The following PRR16 variants were observed in gnomAD, a reference collection of about 807,000 sequenced individuals.
PRR16 encodes the protein protein Largen.
A neutral mutation model predicts 18.2 loss-of-function variants in PRR16; 6 were observed. The ratio of observed to expected loss-of-function variants is 0.33; its 90% CI spans 0.18 to 0.65. PRR16 has a LOEUF of 0.65. PRR16 is among the 30% of genes least tolerant of loss of function. The probability of loss-of-function intolerance (pLI) is 0.74; values close to 1 mark genes in which losing one functional copy is unlikely to be tolerated. For synonymous variants in PRR16, 151 were observed against 147.8 expected (o/e 1.02, Z -0.16); for missense variants, 412 against 376.6 (o/e 1.09, Z -0.78).
chr5:120,673,817 TG>T (rs1335472580), intron 1 of PRR16, among the ~76,000 whole-genome samples: 1 of 152,012 alleles, frequency 6.6e-6, no homozygotes, highest in Non-Finnish European at 1.5e-5. Flanking sequence ...TAGCCCGGCA[TG>T]GTGGCACATG....
chr5:120,659,679 T>C (rs1379635588), intron 1 of PRR16, among the ~76,000 whole-genome samples: 1 of 152,044 alleles, frequency 6.6e-6, no homozygotes, highest in Non-Finnish European at 1.5e-5. Context: ...TAAATTTTGG[T>C]CTTTTTTATA....
intron 1 of PRR16, among the ~76,000 whole-genome samples, chr5:120,657,369 G>T (rs1277191798): frequency 1.3e-5 from 2 of 151,834 alleles, no homozygotes; most frequent in South Asian, 2.1e-4. Flanking sequence ...GCTCATAGGG[G>T]GCTTGTGAAA....
At chr5:120,471,209 A>T (rs1319519704) in intron 1 of PRR16, among the ~76,000 whole-genome samples, 1 of 152,196 alleles carries the variant, frequency 6.6e-6, no homozygotes, top group African/African-American at 2.4e-5. Flanking sequence ...AAATTTGCAA[A>T]TAAAGATGTG....
chr5:120,668,384 C>G (rs1202678168), intron 1 of PRR16, among the ~76,000 whole-genome samples: 1 of 149,600 alleles, frequency 6.7e-6, no homozygotes, highest in Non-Finnish European at 1.5e-5. Flanking sequence ...ATACAGCACA[C>G]TGATGGGTCT....
At chr5:120,576,909 C>T (rs145561817) in intron 1 of PRR16, among the ~76,000 whole-genome samples, 7 of 152,160 alleles carry the variant, frequency 4.6e-5, no homozygotes, top group East Asian at 1.9e-4. Context: ...TAATTCTCTA[C>T]GTGCTTTCTC....
At chr5:120,643,321 C>A (rs1318084185) in intron 1 of PRR16, among the ~76,000 whole-genome samples, 1 of 152,092 alleles carries the variant, frequency 6.6e-6, no homozygotes, top group Admixed American at 6.6e-5. Flanking sequence ...CATGCCCAAT[C>A]TCTAGCCCAT....
chr5:120,785,504 C>T, the PRR16 span, among the ~76,000 whole-genome samples: 2 of 150,084 alleles, frequency 1.3e-5, no homozygotes, highest in Admixed American at 1.3e-4. Flanking sequence ...ATTTTTCTAT[C>T]AGATTAATTA....
At chr5:120,476,943 C>T (rs1397656529) in intron 1 of PRR16, among the ~76,000 whole-genome samples, 1 of 152,164 alleles carries the variant, frequency 6.6e-6, no homozygotes, top group Non-Finnish European at 1.5e-5. Flanking sequence ...TCACGGTTGT[C>T]AGTGACTCCA....
the PRR16 span, among the ~76,000 whole-genome samples, chr5:120,701,210 G>T: frequency 6.6e-6 from 1 of 152,108 alleles, no homozygotes; most frequent in African/African-American, 2.4e-5. Flanking sequence ...TGAAGGCGAG[G>T]TTAATTAAAT....
intron 1 of PRR16, among the ~76,000 whole-genome samples, chr5:120,527,205 A>G (rs551395103): frequency 1.3e-5 from 2 of 152,316 alleles, no homozygotes; most frequent in South Asian, 4.1e-4. Flanking sequence ...ATAACAAACA[A>G]ATTTCCACAA....
chr5:120,653,802 C>A lies in PRR16; in HGVS notation c.160-32152C>A, dbSNP rs77645615. 8.3e-3 allele frequency among the ~76,000 whole-genome samples: 1,258 copies of A among 152,048 alleles called. 6 individuals carry two copies. The highest frequency in any genetic ancestry group is 0.028 in the South Asian group (135 of 4,818). On this transcript the variant is annotated intron_variant, in intron 1 of 1. Transcript: ENST00000407149. ...GTGCCATACACCTCATGTTTATGTG[C>A]CTCTCATGATGACCTGCCTGCACAC... is the stretch of plus-strand genomic sequence containing the variant.
chr5:120,512,757 G>T (rs995842974), intron 1 of PRR16, among the ~76,000 whole-genome samples: 2 of 151,936 alleles, frequency 1.3e-5, no homozygotes, highest in Non-Finnish European at 1.5e-5. Context: ...TCTTCACCAC[G>T]CAAAAAAATT....
Position 120,602,896 on chromosome 5 carries a change from G to A in PRR16, c.160-83058G>A, listed in dbSNP as rs182697226. Among the ~76,000 whole-genome samples the A allele has an allele frequency of 7.2e-5, 11 of 152,120 alleles. No homozygotes were observed. In the East Asian group the frequency reaches 7.7e-4, roughly 11 times the overall value. On this transcript the variant is annotated intron_variant, in intron 1 of 1. Transcript: ENST00000407149. ...GATTTTCGTGTTTCAAACCATCATCGCATCTCAGGGATAAAGCCTACTTAA... is the reference window on the plus strand; with the variant it reads ...GATTTTCGTGTTTCAAACCATCATCACATCTCAGGGATAAAGCCTACTTAA...
intron 1 of PRR16, among the ~76,000 whole-genome samples, chr5:120,519,340 A>G (rs528153472): frequency 4.6e-5 from 7 of 152,292 alleles, no homozygotes; most frequent in Admixed American, 2.6e-4. Context: ...AATATAAAAA[A>G]TGATATTCTG....
chr5:120,505,312 G>T (rs1401996217), intron 1 of PRR16, among the ~76,000 whole-genome samples: 1 of 152,268 alleles, frequency 6.6e-6, no homozygotes, highest in Non-Finnish European at 1.5e-5. Flanking sequence ...GCATTCCTGA[G>T]CAAATGCATT....
At chr5:120,754,387 T>G in the PRR16 span, among the ~76,000 whole-genome samples, 178 of 73,924 alleles carry the variant, frequency 2.4e-3, 1 homozygote, top group African/African-American at 9.4e-3. Flanking sequence ...AACATATATA[T>G]TATATGTTAT....
At chr5:120,713,976 G>A in the PRR16 span, among the ~76,000 whole-genome samples, 248 of 151,916 alleles carry the variant, frequency 1.6e-3, 2 homozygotes, top group African/African-American at 5.7e-3. Context: ...ATACATTTCC[G>A]AGACCCATGA....
chr5:120,744,137 C>G, the PRR16 span, among the ~76,000 whole-genome samples: 1 of 151,846 alleles, frequency 6.6e-6, no homozygotes, highest in South Asian at 2.1e-4. Context: ...TTTCAACCAG[C>G]AAGCAGACAG....
At chr5:120,630,538 A>G (rs1755017288) in intron 1 of PRR16, among the ~76,000 whole-genome samples, 1 of 150,084 alleles carries the variant, frequency 6.7e-6, no homozygotes, top group Admixed American at 6.7e-5. Flanking sequence ...TGAACCCCAA[A>G]CCTAGGTAAA....
Sources: allele counts gnomAD v4.1 joint callset (sites outside exome capture counted in the v4.1 genomes callset), GRCh38; gene constraint gnomAD v4.1.1; transcripts MANE v1.5; gene names NCBI Gene and HGNC (gene_info 2026-07-23, HGNC 2026-07-21).